Variants in HIVEP3 observed in about 807,000 individuals in gnomAD.
HIVEP3 encodes the protein transcription factor HIVEP3.
HIVEP3 carries 49 observed loss-of-function variants against 152.8 expected under a neutral mutation model. The ratio of observed to expected loss-of-function variants is 0.32; its 90% confidence interval spans 0.26 to 0.41. The LOEUF (loss-of-function observed/expected upper bound fraction) is 0.41, where lower values mean the gene tolerates loss of function less well. Ranked by LOEUF, HIVEP3 falls within the 10% of genes least tolerant of loss-of-function variation. The pLI is 1.00. For synonymous variants in HIVEP3, 1,269 were observed against 1,289.0 expected (o/e 0.98, Z 0.33); for missense variants, 2,790 against 3,103.3 (o/e 0.90, Z 2.40).
At chr1:41,903,624 T>C (rs946541753) in intron 1 of HIVEP3, among the ~76,000 whole-genome samples, 13 of 152,234 alleles carry the variant, frequency 8.5e-5, no homozygotes, top group African/African-American at 3.1e-4. Context: ...AAAAAGCATC[T>C]GTCCTTGTTT....
At chr1:41,524,411 G>A (rs1316938779) in intron 6 of HIVEP3, among the ~76,000 whole-genome samples, 1 of 152,208 alleles carries the variant, frequency 6.6e-6, no homozygotes, top group African/African-American at 2.4e-5. Flanking sequence ...CATGCAGAAG[G>A]GAGGGGAGAT....
At chr1:42,005,587 G>A (rs186499385) in intron 1 of HIVEP3, among the ~76,000 whole-genome samples, 3,142 of 152,264 alleles carry the variant, frequency 0.021, 65 homozygotes, top group Non-Finnish European at 0.025. Context: ...CATCGCCCAT[G>A]GAGGACCCCA....
At position 41,510,503 on chromosome 1, in the gene HIVEP3, TC is replaced by T; in HGVS notation, c.7168del (p.Glu2390SerfsTer92). ...AGGCTGATGTGGATGTGCCCTGGGC[TC>T]CCCACTTCCTGAGGGCTTGGGGGAG... The part of the protein sequence containing the change: ...QDSPKPSGSG[E>X]PRAHPHQPED... On this transcript the variant is annotated frameshift_variant, in exon 9 of 9. Coordinates refer to ENST00000372583, the MANE Select transcript of HIVEP3 (RefSeq NM_024503.5). LOFTEE classifies it high-confidence loss of function. 6.3e-7 allele frequency: 1 copy of T among 1,595,428 alleles called. No homozygotes were observed. Among genetic ancestry groups the T allele is most frequent in the Non-Finnish European group, 8.5e-7 (1 of 1,171,018 alleles).
intron 1 of HIVEP3, among the ~76,000 whole-genome samples, chr1:41,914,639 G>A (rs767895378): frequency 1.1e-4 from 16 of 152,182 alleles, no homozygotes; most frequent in Admixed American, 6.5e-5. Context: ...GGCACTGCTC[G>A]TGTATCTCAG....
chr1:41,950,440 C>G (rs1314335300), intron 1 of HIVEP3, among the ~76,000 whole-genome samples: 2 of 152,174 alleles, frequency 1.3e-5, no homozygotes, highest in East Asian at 1.9e-4. Flanking sequence ...TTTGTATAAC[C>G]AGGAGTAACA....
intron 1 of HIVEP3, among the ~76,000 whole-genome samples, chr1:41,755,279 C>G (rs1022511811): frequency 3.3e-5 from 5 of 152,074 alleles, no homozygotes; most frequent in African/African-American, 1.2e-4. Context: ...CAATGCAAAC[C>G]TTCCACTTTA....
chr1:42,022,929 T>A (rs1178254862), intron 1 of HIVEP3, among the ~76,000 whole-genome samples: 1 of 152,238 alleles, frequency 6.6e-6, no homozygotes, highest in Non-Finnish European at 1.5e-5. Flanking sequence ...GCTCACAAAT[T>A]TCTTTTCCAG....
intron 1 of HIVEP3, among the ~76,000 whole-genome samples, chr1:41,795,968 TC>T (rs1649959155): frequency 6.6e-6 from 1 of 152,172 alleles, no homozygotes; most frequent in African/African-American, 2.4e-5. Context: ...TAGAGAATGG[TC>T]TTTAGAGACT....
intron 1 of HIVEP3, among the ~76,000 whole-genome samples, chr1:41,959,200 G>A (rs1357791088): frequency 6.6e-6 from 1 of 152,206 alleles, no homozygotes; most frequent in Non-Finnish European, 1.5e-5. Flanking sequence ...CCAATTCTGA[G>A]ACCCTGAGAT....
chr1:42,035,088 T>C (rs1440285162), intron 1 of HIVEP3, among the ~76,000 whole-genome samples: 2 of 152,178 alleles, frequency 1.3e-5, no homozygotes, highest in African/African-American at 4.8e-5. Context: ...TAATTAGGGA[T>C]GGGAAAGCAA....
intron 1 of HIVEP3, among the ~76,000 whole-genome samples, chr1:41,994,411 T>C (rs114950394): frequency 2.3e-3 from 347 of 152,238 alleles, no homozygotes; most frequent in African/African-American, 7.9e-3. Context: ...CCAAATCTCA[T>C]GTTGAATTGT....
chr1:41,717,773 A>T (rs1040648033), intron 1 of HIVEP3, among the ~76,000 whole-genome samples: 2 of 152,198 alleles, frequency 1.3e-5, no homozygotes, highest in Non-Finnish European at 2.9e-5. Context: ...GGGGTCGCCC[A>T]CCATATGTGG....
chr1:41,584,314 T>C lies in HIVEP3; in HGVS notation c.484A>G (p.Lys162Glu). Residue 162 changes from lysine (K) to glutamate (E), a missense_variant, in exon 4 of 9, where the codon AAA becomes GAA. Physicochemically the swap from Lys to Glu is moderately conservative, Grantham distance 56. Coordinates refer to ENST00000372583, the MANE Select transcript of HIVEP3 (RefSeq NM_024503.5). This position sits in a 1 kb window ranked among gnomAD's most constrained non-coding sequence, Gnocchi z 5.2. ...TGGGAAGGACGAGGCACGAAGACTT[T>C]GGGGACTCCAGGAAGGTCCTCGGGG... is the stretch of plus-strand genomic sequence containing the variant. ...IPPEDLPGVP[K>E]VFVPRPSQVS... 1 of 1,613,854 alleles carries C rather than the reference T, an allele frequency of 6.2e-7. No homozygotes were observed. The highest frequency in any genetic ancestry group is 1.1e-5 in the South Asian group (1 of 91,034).
intron 5 of HIVEP3, among the ~76,000 whole-genome samples, chr1:41,568,950 C>T (rs1395176200): frequency 6.6e-6 from 1 of 152,202 alleles, no homozygotes; most frequent in Non-Finnish European, 1.5e-5. Flanking sequence ...ACCATCCCCT[C>T]TTCATACTGT....
intron 1 of HIVEP3, among the ~76,000 whole-genome samples, chr1:41,957,949 A>G (rs1645148676): frequency 6.6e-6 from 1 of 152,222 alleles, no homozygotes; most frequent in Non-Finnish European, 1.5e-5. Context: ...TTTTCCTTCT[A>G]TTCATAGATA....
In HIVEP3 at chr1:41,987,139, G is replaced by C. The variant is rs114878159; in HGVS notation, n.119+48668C>G. ...AGGAATGAGCAATGAATGAAACAAT[G>C]TTTCTGCCCTCTTGAAGCTTACAAG... On this transcript the variant is annotated intron_variant and non_coding_transcript_variant, in intron 1 of 3. Transcript: ENST00000489103. Among the ~76,000 whole-genome samples the C allele has an allele frequency of 3.8e-3, 576 of 152,266 alleles. 3 individuals carry two copies. The highest frequency in any genetic ancestry group is 0.013 in the African/African-American group (550 of 41,558).
intron 1 of HIVEP3, among the ~76,000 whole-genome samples, chr1:41,793,752 C>T (rs1649829942): frequency 6.6e-6 from 1 of 152,134 alleles, no homozygotes; most frequent in Admixed American, 6.5e-5. Context: ...CTGTGACTTG[C>T]CCAGAAGGGT....
intron 1 of HIVEP3, among the ~76,000 whole-genome samples, chr1:41,965,796 A>G (rs1430328676): frequency 1.3e-5 from 2 of 152,242 alleles, no homozygotes; most frequent in African/African-American, 2.4e-5. Context: ...ACCAAGTTGG[A>G]AAACATACAT....
intron 1 of HIVEP3, among the ~76,000 whole-genome samples, chr1:41,956,761 A>G (rs1645142504): frequency 6.6e-6 from 1 of 152,204 alleles, no homozygotes; most frequent in Admixed American, 6.5e-5. Flanking sequence ...TTTGAATATA[A>G]GCTTATATGG....
Sources: gnomAD v4.1 joint callset for allele counts (sites outside exome capture counted in the v4.1 genomes callset) on GRCh38, gnomAD v4.1.1 for gene constraint, Gnocchi (gnomAD v3.1) non-coding constraint, MANE v1.5 for transcripts, NCBI Gene and HGNC (gene_info 2026-07-23, HGNC 2026-07-21) for gene names.